Variants in ATG10 observed in about 807,000 individuals in gnomAD.
ATG10 encodes ubiquitin-like-conjugating enzyme ATG10.
Under a neutral mutation model 32.1 loss-of-function variants are expected in ATG10, and 30 were observed. That is an observed-to-expected ratio of 0.94 (90% confidence interval 0.70 to 1.27). The LOEUF is 1.27. ATG10 is among the 50% of genes most tolerant of loss of function. The pLI, the probability that ATG10 is intolerant of heterozygous loss-of-function variation, is 0.00. For synonymous variants in ATG10, 87 were observed against 91.5 expected (o/e 0.95, Z 0.28); for missense variants, 233 against 262.3 (o/e 0.89, Z 0.77).
chr5:82,249,702 T>G (rs569065878), intron 5 of ATG10, among the ~76,000 whole-genome samples: 67 of 152,324 alleles, frequency 4.4e-4, no homozygotes, highest in African/African-American at 1.5e-3. Context: ...GGACTTGATC[T>G]CAAACAGTCT....
intron 1 of ATG10, among the ~76,000 whole-genome samples, chr5:81,982,146 C>T (rs1761066384): frequency 6.6e-6 from 1 of 152,182 alleles, no homozygotes; most frequent in Non-Finnish European, 1.5e-5. Flanking sequence ...CAGAGTAAGA[C>T]TCAAGCAAAA....
chr5:82,188,260 T>G (rs956448915), intron 5 of ATG10, among the ~76,000 whole-genome samples: 10 of 152,218 alleles, frequency 6.6e-5, no homozygotes, highest in African/African-American at 2.4e-4. Flanking sequence ...CTGGTTAATG[T>G]TCTTTGTTAT....
chr5:82,239,808 G>A (rs1196435116), intron 5 of ATG10, among the ~76,000 whole-genome samples: 1 of 151,902 alleles, frequency 6.6e-6, no homozygotes, highest in East Asian at 1.9e-4. Flanking sequence ...AGGAACTCAA[G>A]CCAATACCAA....
chr5:82,097,718 C>G (rs1296447034), intron 3 of ATG10, among the ~76,000 whole-genome samples: 3 of 152,128 alleles, frequency 2.0e-5, no homozygotes, highest in Admixed American at 2.0e-4. Flanking sequence ...TATTTCTACT[C>G]TAGTAGAATG....
At chr5:81,999,354 A>G (rs1435150826) in intron 2 of ATG10, among the ~76,000 whole-genome samples, 1 of 152,194 alleles carries the variant, frequency 6.6e-6, no homozygotes, top group Non-Finnish European at 1.5e-5. Flanking sequence ...GATATAACAT[A>G]CCAGAATATC....
chr5:82,035,988 A>G (rs574630449), intron 2 of ATG10, among the ~76,000 whole-genome samples: 28 of 152,154 alleles, frequency 1.8e-4, no homozygotes, highest in African/African-American at 6.7e-4. Flanking sequence ...ATCTTTTACA[A>G]CTTCAAAATT....
chr5:82,189,580 A>G (rs1457627189), intron 5 of ATG10, among the ~76,000 whole-genome samples: 1 of 152,126 alleles, frequency 6.6e-6, no homozygotes, highest in Non-Finnish European at 1.5e-5. Context: ...TTCAGCCTAC[A>G]GATGCTATTT....
intron 3 of ATG10, among the ~76,000 whole-genome samples, chr5:82,086,847 A>G (rs968791206): frequency 6.6e-6 from 1 of 152,236 alleles, no homozygotes; most frequent in African/African-American, 2.4e-5. Flanking sequence ...ATTTCACTGG[A>G]TATTTCGTAA....
intron 3 of ATG10, among the ~76,000 whole-genome samples, chr5:82,059,242 TTTC>T (rs1277015977): frequency 1.1e-4 from 16 of 152,070 alleles, no homozygotes; most frequent in Non-Finnish European, 2.2e-4. Context: ...CCTTATTGTA[TTTC>T]TTGTGAAAAA....
At chr5:81,980,358 G>A (rs1275942390) in intron 1 of ATG10, among the ~76,000 whole-genome samples, 2 of 152,124 alleles carry the variant, frequency 1.3e-5, no homozygotes, top group Non-Finnish European at 2.9e-5. Flanking sequence ...GCTTCTTAAA[G>A]GTCTTGTGTT....
intron 2 of ATG10, among the ~76,000 whole-genome samples, chr5:82,043,841 C>T (rs1445765522): frequency 1.3e-5 from 2 of 152,140 alleles, no homozygotes; most frequent in East Asian, 3.9e-4. Context: ...CTTCATTGTC[C>T]ATATCACCAT....
At chr5:82,244,760 C>A (rs931472622) in intron 5 of ATG10, among the ~76,000 whole-genome samples, 1 of 152,150 alleles carries the variant, frequency 6.6e-6, no homozygotes, top group Non-Finnish European at 1.5e-5. Flanking sequence ...TTGTGATAGT[C>A]ATATCTAATA....
At chr5:81,983,674 C>T (rs1205011992) in intron 1 of ATG10, among the ~76,000 whole-genome samples, 1 of 151,352 alleles carries the variant, frequency 6.6e-6, no homozygotes, top group Admixed American at 6.6e-5. Context: ...GACGGGGTGG[C>T]TGCCGGGCGG....
intron 2 of ATG10, among the ~76,000 whole-genome samples, chr5:81,995,282 C>T (rs1399563939): frequency 6.6e-6 from 1 of 152,124 alleles, no homozygotes; most frequent in East Asian, 1.9e-4. Flanking sequence ...AGGCATGCAC[C>T]ACCATGCCTG....
chr5:82,028,255 C>A (rs1762648072), intron 2 of ATG10, among the ~76,000 whole-genome samples: 1 of 152,148 alleles, frequency 6.6e-6, no homozygotes, highest in South Asian at 2.1e-4. Context: ...TGAATCTATA[C>A]ACATTAGAAA....
chr5:82,163,014 A>G (rs556652137), intron 3 of ATG10, among the ~76,000 whole-genome samples: 1 of 152,110 alleles, frequency 6.6e-6, no homozygotes, highest in East Asian at 1.9e-4. Context: ...CAATATTTGT[A>G]ATTTTTACCA....
intron 3 of ATG10, among the ~76,000 whole-genome samples, chr5:82,138,317 CCACTCTGTTTTGTGCTTCAAACCCAGGG>C (rs1766855211): frequency 6.6e-6 from 1 of 152,162 alleles, no homozygotes; most frequent in Non-Finnish European, 1.5e-5. Flanking sequence ...GCCCAAATGG[CCACTCTGTTTTGTGCTTCAAACCCAGGG>C]CCCTGGTGTC....
chr5:82,032,033 C>T (rs1207790618), intron 2 of ATG10, among the ~76,000 whole-genome samples: 2 of 152,172 alleles, frequency 1.3e-5, no homozygotes, highest in African/African-American at 2.4e-5. Context: ...GAGTATGTAG[C>T]CAAAAGTCTG....
intron 3 of ATG10, among the ~76,000 whole-genome samples, chr5:82,089,934 ACT>A (rs1430316893): frequency 6.6e-6 from 1 of 152,102 alleles, no homozygotes; most frequent in Non-Finnish European, 1.5e-5. Flanking sequence ...TGAGCAAAAG[ACT>A]CAAAGAGTCA....
Sources: gnomAD v4.1 joint callset for allele counts (sites outside exome capture counted in the v4.1 genomes callset) on GRCh38, gnomAD v4.1.1 for gene constraint, MANE v1.5 for transcripts, NCBI Gene and HGNC (gene_info 2026-07-23, HGNC 2026-07-21) for gene names.